MYO16: variants seen among roughly 807,000 people sequenced by gnomAD.
The protein encoded by MYO16 is myosin XVI, also known as unconventional myosin-XVI.
MYO16 carries 94 observed loss-of-function variants against 205.3 expected under a neutral mutation model. The observed-to-expected ratio is 0.46, with a 90% CI of 0.39 to 0.54. The LOEUF is 0.54. Among genes scored for constraint, MYO16 ranks in the 20% least tolerant of loss-of-function variants. The pLI is 0.00. For synonymous variants in MYO16, 988 were observed against 954.0 expected (o/e 1.04, Z -0.66); for missense variants, 2,315 against 2,387.5 (o/e 0.97, Z 0.63).
At chr13:109,074,806 C>G (rs1447708861) in intron 27 of MYO16, among the ~76,000 whole-genome samples, 3 of 152,166 alleles carry the variant, frequency 2.0e-5, no homozygotes. Context: ...AGGAGAACAG[C>G]ACGGGGGAAC....
intron 15 of MYO16, among the ~76,000 whole-genome samples, chr13:108,902,044 AAAAG>A (rs1163914644): frequency 6.6e-6 from 1 of 152,140 alleles, no homozygotes; most frequent in Non-Finnish European, 1.5e-5. Flanking sequence ...TTTACACTGA[AAAAG>A]AAATAACTCA....
chr13:108,621,682 G>C (rs1364888766), intron 1 of MYO16, among the ~76,000 whole-genome samples: 2 of 152,090 alleles, frequency 1.3e-5, no homozygotes, highest in Admixed American at 1.3e-4. Flanking sequence ...CTTGGCTGCG[G>C]TGTTAGGTCA....
At chr13:108,761,133 T>C (rs1039317534) in intron 4 of MYO16, among the ~76,000 whole-genome samples, 9 of 152,270 alleles carry the variant, frequency 5.9e-5, no homozygotes, top group Admixed American at 5.9e-4. Context: ...AGAGAGATAG[T>C]AAAGGGTTTC....
the MYO16 span, among the ~76,000 whole-genome samples, chr13:108,582,962 T>C: frequency 6.6e-6 from 1 of 152,218 alleles, no homozygotes; most frequent in Non-Finnish European, 1.5e-5. Context: ...AAAATTGTAA[T>C]ATTATTATAA....
At chr13:108,957,900 G>T (rs1037650438) in intron 17 of MYO16, 101 bp downstream of exon 17, 7 of 925,510 alleles carry the variant, frequency 7.6e-6, no homozygotes, top group African/African-American at 4.9e-5. Context: ...TGACATTCCA[G>T]ATGTTGCCGA....
the MYO16 span, among the ~76,000 whole-genome samples, chr13:108,548,929 G>A: frequency 1.3e-5 from 2 of 152,092 alleles, no homozygotes; most frequent in Non-Finnish European, 2.9e-5. Context: ...CCATTTTGGG[G>A]AGGATGGATA....
chr13:108,787,390 T>C (rs1191999793), intron 5 of MYO16, among the ~76,000 whole-genome samples: 2 of 152,258 alleles, frequency 1.3e-5, no homozygotes, highest in Admixed American at 1.3e-4. Flanking sequence ...GCTGTGCCAG[T>C]TCTATGTTAT....
intron 16 of MYO16, among the ~76,000 whole-genome samples, chr13:108,951,532 A>G (rs564030763): frequency 6.6e-6 from 1 of 152,298 alleles, no homozygotes; most frequent in East Asian, 1.9e-4. Context: ...ATTAAGTGGC[A>G]CTTTTCACAG....
chr13:108,532,278 A>G, the MYO16 span, among the ~76,000 whole-genome samples: 1 of 152,006 alleles, frequency 6.6e-6, no homozygotes, highest in Non-Finnish European at 1.5e-5. Flanking sequence ...TACTTCAAGA[A>G]GAGGGGTAAT....
chr13:108,597,371 G>T (rs1878599788), intron 1 of MYO16, among the ~76,000 whole-genome samples: 1 of 152,010 alleles, frequency 6.6e-6, no homozygotes, highest in South Asian at 2.1e-4. Context: ...TGTTAGCTTT[G>T]GGAGGATTTA....
the MYO16 span, among the ~76,000 whole-genome samples, chr13:108,563,128 G>T: frequency 1.3e-5 from 2 of 151,958 alleles, no homozygotes; most frequent in African/African-American, 4.8e-5. Context: ...TTTTGTTATT[G>T]GAGTTTTAAA....
intron 32 of MYO16, among the ~76,000 whole-genome samples, chr13:109,153,538 C>T (rs7984872): frequency 0.096 from 14,630 of 152,166 alleles, 1,006 homozygotes; most frequent in African/African-American, 0.19. Flanking sequence ...ACCGTCCGAT[C>T]ACCTGAGGTC....
intron 16 of MYO16, among the ~76,000 whole-genome samples, chr13:108,934,304 G>A (rs1321402030): frequency 2.0e-5 from 3 of 152,094 alleles, no homozygotes; most frequent in Non-Finnish European, 2.9e-5. Context: ...GTATGAAATG[G>A]TAGCTAATTG....
At chr13:108,964,984 T>C in intron 20 of MYO16, 82 bp downstream of exon 20, 21 of 1,401,726 alleles carry the variant, frequency 1.5e-5, no homozygotes, top group Non-Finnish European at 2.1e-5. Flanking sequence ...CAGCTTCATA[T>C]TACAGGGTAA....
chr13:108,712,868 G>C, intron 3 of MYO16, 137 bp downstream of exon 3: 1 of 622,116 alleles, frequency 1.6e-6, no homozygotes. Flanking sequence ...AACAGGCTTG[G>C]ATGATAAGCT....
At chr13:109,045,970 C>T (rs1372016668) in intron 23 of MYO16, among the ~76,000 whole-genome samples, 1 of 142,640 alleles carries the variant, frequency 7.0e-6, no homozygotes, top group African/African-American at 2.5e-5. Context: ...GCACACTCTC[C>T]CTCAGGCGAG....
At chr13:108,653,869 T>A (rs1283575668) in intron 1 of MYO16, among the ~76,000 whole-genome samples, 1 of 151,900 alleles carries the variant, frequency 6.6e-6, no homozygotes, top group East Asian at 1.9e-4. Context: ...CAGGTGCACA[T>A]TCCTATGTAT....
chr13:109,071,712 C>CT lies in MYO16; in HGVS notation c.3335+16125dup, dbSNP rs999795492. ...GTAAAACATGAAAATTATACCTATA[C>CT]TTTTTTTTAATTAACGATGACCTAC... is the stretch of plus-strand genomic sequence containing the variant. On this transcript the variant is annotated intron_variant, in intron 27 of 34. Coordinates refer to ENST00000457511, the MANE Select transcript of MYO16 (RefSeq NM_001198950.3). Among the ~76,000 whole-genome samples the CT allele has an allele frequency of 6.6e-5, 10 of 151,898 alleles. No individual in the cohort carries two copies. In the South Asian group the frequency reaches 1.9e-3, roughly 28 times the overall value.
chr13:108,987,911 A>G (rs1884693325), intron 20 of MYO16, among the ~76,000 whole-genome samples: 1 of 152,190 alleles, frequency 6.6e-6, no homozygotes, highest in Admixed American at 6.5e-5. Context: ...CTCTATATCT[A>G]TCTACATAAA....
Sources: gnomAD v4.1 joint callset for allele counts (sites outside exome capture counted in the v4.1 genomes callset) on GRCh38, gnomAD v4.1.1 for gene constraint, MANE v1.5 for transcripts, NCBI Gene and HGNC (gene_info 2026-07-23, HGNC 2026-07-21) for gene names.